CEP112: variants seen among roughly 807,000 people sequenced by gnomAD.
CEP112 encodes centrosomal protein 112, also known as centrosomal protein of 112 kDa.
Under a neutral mutation model 153.0 loss-of-function variants are expected in CEP112, and 127 were observed. That is an observed-to-expected ratio of 0.83 (90% CI 0.72 to 0.96). CEP112 has a LOEUF of 0.96. Ranked by LOEUF, CEP112 falls within the 40% of genes least tolerant of loss-of-function variation. CEP112 has a pLI of 0.00. For synonymous variants in CEP112, 358 were observed against 374.4 expected (o/e 0.96, Z 0.51); for missense variants, 1,089 against 1,101.2 (o/e 0.99, Z 0.16).
intron 17 of CEP112, among the ~76,000 whole-genome samples, chr17:65,989,234 CAAAA>C (rs749855250): frequency 1.0e-3 from 42 of 40,798 alleles, no homozygotes; most frequent in African/African-American, 3.9e-3. Context: ...GACTCCATCT[CAAAA>C]AAAAAAAAAA....
At chr17:65,732,172 G>A (rs945258595) in intron 23 of CEP112, among the ~76,000 whole-genome samples, 4 of 152,184 alleles carry the variant, frequency 2.6e-5, no homozygotes, top group Admixed American at 1.3e-4. Flanking sequence ...TTAATGAGCT[G>A]GAGAATGGAT....
intron 17 of CEP112, among the ~76,000 whole-genome samples, chr17:65,966,959 TG>T (rs2144846193): frequency 6.6e-6 from 1 of 152,312 alleles, no homozygotes; most frequent in Non-Finnish European, 1.5e-5. Flanking sequence ...GCCAAGGAAC[TG>T]GGGCAGTGTC....
chr17:66,003,961 G>T (rs925099608), intron 17 of CEP112, among the ~76,000 whole-genome samples: 2 of 150,806 alleles, frequency 1.3e-5, no homozygotes, highest in African/African-American at 4.9e-5. Context: ...GAGGACCACT[G>T]ATTGAAAGAA....
intron 4 of CEP112, among the ~76,000 whole-genome samples, chr17:66,136,832 C>A (rs1030252039): frequency 2.6e-5 from 4 of 152,258 alleles, no homozygotes; most frequent in South Asian, 2.1e-4. Context: ...CCAGAGAAGA[C>A]ATATCCACAG....
chr17:66,116,437 A>T (rs2069297520), intron 6 of CEP112, among the ~76,000 whole-genome samples: 2 of 151,956 alleles, frequency 1.3e-5, no homozygotes, highest in African/African-American at 2.4e-5. Flanking sequence ...TTGTTTTTTT[A>T]ATTGATTAAA....
intron 11 of CEP112, among the ~76,000 whole-genome samples, chr17:66,060,585 C>T (rs1042198439): frequency 1.3e-5 from 2 of 151,868 alleles, no homozygotes; most frequent in African/African-American, 4.8e-5. Context: ...GCATGAAGCA[C>T]CCAGAAAAAA....
intron 21 of CEP112, among the ~76,000 whole-genome samples, chr17:65,835,240 A>G (rs2057257100): frequency 6.6e-6 from 1 of 151,918 alleles, no homozygotes; most frequent in Non-Finnish European, 1.5e-5. Flanking sequence ...AAGTGAATGA[A>G]TCTCCACATA....
At chr17:66,000,572 G>C (rs9916522) in intron 17 of CEP112, among the ~76,000 whole-genome samples, 1 of 151,476 alleles carries the variant, frequency 6.6e-6, no homozygotes, top group Non-Finnish European at 1.5e-5. Context: ...AACTTCTCCC[G>C]TAGATGGAAC....
chr17:66,150,363 A>AG (rs2071152611), intron 4 of CEP112, among the ~76,000 whole-genome samples: 1 of 140,474 alleles, frequency 7.1e-6, no homozygotes, highest in African/African-American at 2.6e-5. Flanking sequence ...ATGCCCAGCT[A>AG]ATTTTTTTTT....
chr17:65,930,021 C>A (rs1440165554), intron 18 of CEP112, among the ~76,000 whole-genome samples: 1 of 152,102 alleles, frequency 6.6e-6, no homozygotes, highest in Admixed American at 6.5e-5. Flanking sequence ...GTCTTTAAAC[C>A]CCTGCACATT....
At chr17:65,657,055 A>C (rs1453465784) in intron 24 of CEP112, among the ~76,000 whole-genome samples, 1 of 152,204 alleles carries the variant, frequency 6.6e-6, no homozygotes, top group Admixed American at 6.5e-5. Flanking sequence ...ACCAGGGCCT[A>C]CGGGGCTGCT....
intron 12 of CEP112, among the ~76,000 whole-genome samples, chr17:66,048,545 A>T (rs972439611): frequency 1.3e-5 from 2 of 152,256 alleles, no homozygotes; most frequent in Non-Finnish European, 2.9e-5. Flanking sequence ...CATAGAATAT[A>T]TAGGCGAACC....
intron 4 of CEP112, among the ~76,000 whole-genome samples, chr17:66,173,965 A>G (rs569641928): frequency 1.3e-5 from 2 of 152,000 alleles, no homozygotes; most frequent in Non-Finnish European, 2.9e-5. Context: ...GACTCGCCCT[A>G]TCGCCCAGGC....
intron 21 of CEP112, among the ~76,000 whole-genome samples, chr17:65,759,606 C>T (rs1428837966): frequency 6.6e-6 from 1 of 152,060 alleles, no homozygotes; most frequent in African/African-American, 2.4e-5. Flanking sequence ...ATGACTGCTG[C>T]CCTGGCTGTG....
chr17:66,066,738 G>T, intron 10 of CEP112, 40 bp downstream of exon 10: 1 of 1,291,132 alleles, frequency 7.7e-7, no homozygotes. Flanking sequence ...AAATAAAATG[G>T]AAATGTTATT....
chr17:65,658,187 C>T (rs546900009), intron 24 of CEP112, among the ~76,000 whole-genome samples: 160 of 152,330 alleles, frequency 1.1e-3, no homozygotes, highest in South Asian at 3.7e-3. Flanking sequence ...GCTAGAACCA[C>T]GATTGAAACC....
chr17:66,027,414 G>A, intron 16 of CEP112, 87 bp downstream of exon 16: 1 of 1,167,892 alleles, frequency 8.6e-7, no homozygotes, highest in East Asian at 4.5e-5. Context: ...CTTTAAAGGT[G>A]AGAATGTATG....
intron 23 of CEP112, among the ~76,000 whole-genome samples, chr17:65,691,810 T>C (rs148866480): frequency 1.3e-5 from 2 of 152,102 alleles, no homozygotes; most frequent in East Asian, 3.9e-4. Context: ...TAGTTATCTA[T>C]TTTTTTTGTC....
chr17:66,188,319 A>ACACT (rs2073021825), intron 1 of CEP112, among the ~76,000 whole-genome samples: 2 of 139,228 alleles, frequency 1.4e-5, no homozygotes, highest in South Asian at 4.5e-4. Context: ...ACACACACAC[A>ACACT]CACACACTTT....
Sources: allele counts gnomAD v4.1 joint callset (sites outside exome capture counted in the v4.1 genomes callset), GRCh38; gene constraint gnomAD v4.1.1; transcripts MANE v1.5; gene names NCBI Gene and HGNC (gene_info 2026-07-23, HGNC 2026-07-21).